The following WWOX variants were observed in gnomAD, a reference collection of about 807,000 sequenced individuals.
WWOX encodes the protein WW domain-containing oxidoreductase.
In WWOX, 69 loss-of-function variants were observed where a neutral mutation model predicts 46.2. The ratio of observed to expected loss-of-function variants is 1.49; its 90% CI spans 1.23 to 1.82. The LOEUF is 1.82. Ranked by LOEUF, WWOX falls within the 40% of genes most tolerant of loss-of-function variation. The pLI is 0.00. For missense variants in WWOX, 919 were observed against 542.6 expected (o/e 1.69, Z -6.89); for synonymous variants, 359 against 202.6 (o/e 1.77, Z -6.56).
intron 8 of WWOX, among the ~76,000 whole-genome samples, chr16:78,655,757 G>T (rs1041560596): frequency 5.9e-5 from 9 of 152,118 alleles, no homozygotes; most frequent in African/African-American, 2.2e-4. Context: ...ATGTTCTTCT[G>T]TGAACAATTA....
chr16:78,981,093 T>C (rs2046672510), intron 8 of WWOX, among the ~76,000 whole-genome samples: 2 of 152,298 alleles, frequency 1.3e-5, no homozygotes, highest in South Asian at 4.1e-4. Flanking sequence ...TTCGAGTTCT[T>C]CCTGTGGAGT....
intron 8 of WWOX, among the ~76,000 whole-genome samples, chr16:78,554,405 G>A (rs1203563999): frequency 6.6e-6 from 1 of 152,080 alleles, no homozygotes; most frequent in African/African-American, 2.4e-5. Flanking sequence ...TGCAACCTGA[G>A]GCATAAATGG....
At chr16:78,366,294 T>G (rs888139126) in intron 5 of WWOX, among the ~76,000 whole-genome samples, 4 of 152,220 alleles carry the variant, frequency 2.6e-5, no homozygotes, top group African/African-American at 7.2e-5. Context: ...AGAAGACACA[T>G]TTTACAAGGC....
chr16:78,946,779 G>A (rs1026478421), intron 8 of WWOX, among the ~76,000 whole-genome samples: 4 of 141,020 alleles, frequency 2.8e-5, no homozygotes, highest in Non-Finnish European at 5.0e-5. Flanking sequence ...GTGAGCCCCC[G>A]GGGGAGCTCA....
At chr16:79,027,369 C>A (rs1253973620) in intron 8 of WWOX, among the ~76,000 whole-genome samples, 1 of 150,776 alleles carries the variant, frequency 6.6e-6, no homozygotes, top group Non-Finnish European at 1.5e-5. Context: ...AATGAAAATT[C>A]TTCATTGTTA....
chr16:78,998,051 T>A (rs1288147163), intron 8 of WWOX, among the ~76,000 whole-genome samples: 1 of 152,016 alleles, frequency 6.6e-6, no homozygotes, highest in African/African-American at 2.4e-5. Context: ...TAATTTTGTG[T>A]TTTTAGTAAA....
Position 78,231,546 on chromosome 16 carries a change from C to T in WWOX, c.516+67257C>T, listed in dbSNP as rs549905491. ...CCTTAGTTAATCTGTTCAATAAACT[C>T]CTCTGCAGAATCCAAATGCTTAAAT... On this transcript the variant is annotated intron_variant, in intron 5 of 8. Coordinates refer to ENST00000566780, the MANE Select transcript of WWOX (RefSeq NM_016373.4). Among the ~76,000 whole-genome samples, 32 of 152,306 alleles carry T rather than the reference C, an allele frequency of 2.1e-4. No individual in the cohort carries two copies. In the South Asian group the frequency reaches 4.4e-3, roughly 21 times the overall value.
intron 8 of WWOX, among the ~76,000 whole-genome samples, chr16:78,884,362 G>C (rs555251358): frequency 2.7e-5 from 4 of 148,252 alleles, no homozygotes; most frequent in Non-Finnish European, 5.9e-5. Flanking sequence ...ACAAGTACAA[G>C]AGTGTGTTTA....
At chr16:78,766,629 G>C (rs2049930349) in intron 8 of WWOX, among the ~76,000 whole-genome samples, 1 of 152,190 alleles carries the variant, frequency 6.6e-6, no homozygotes, top group African/African-American at 2.4e-5. Flanking sequence ...GGCCTTGTGA[G>C]TTAGCTCTCT....
At chr16:78,775,224 A>G (rs1173404021) in intron 8 of WWOX, among the ~76,000 whole-genome samples, 1 of 152,198 alleles carries the variant, frequency 6.6e-6, no homozygotes, top group East Asian at 1.9e-4. Context: ...GATTATCAGG[A>G]CTGTATTCAG....
chr16:78,836,462 T>C (rs375568839), intron 8 of WWOX, among the ~76,000 whole-genome samples: 34 of 152,276 alleles, frequency 2.2e-4, no homozygotes, highest in African/African-American at 6.5e-4. Flanking sequence ...ACCTGAAGGG[T>C]GGCATCCACT....
chr16:78,516,664 G>C (rs564473134), intron 8 of WWOX, among the ~76,000 whole-genome samples: 10 of 152,166 alleles, frequency 6.6e-5, no homozygotes, highest in African/African-American at 2.2e-4. Context: ...CCCTTCACAC[G>C]TGCCTGCAGG....
At chr16:78,540,013 C>T (rs932839084) in intron 8 of WWOX, among the ~76,000 whole-genome samples, 2 of 126,554 alleles carry the variant, frequency 1.6e-5, no homozygotes, top group African/African-American at 5.7e-5. Context: ...CTCTCTCTCT[C>T]TCTCTCTCAC....
At chr16:78,788,380 C>T (rs1285665180) in intron 8 of WWOX, among the ~76,000 whole-genome samples, 2 of 152,166 alleles carry the variant, frequency 1.3e-5, no homozygotes, top group African/African-American at 4.8e-5. Context: ...CTTTCACCTG[C>T]CCCAAGGCAG....
chr16:78,422,750 C>CATAT (rs577129479), intron 6 of WWOX, among the ~76,000 whole-genome samples: 2 of 94,552 alleles, frequency 2.1e-5, no homozygotes, highest in African/African-American at 1.8e-4. Flanking sequence ...TATATATACA[C>CATAT]ATATATACAC....
At chr16:78,768,115 A>T (rs1030377651) in intron 8 of WWOX, among the ~76,000 whole-genome samples, 10 of 150,590 alleles carry the variant, frequency 6.6e-5, no homozygotes, top group African/African-American at 2.4e-4. Context: ...GGGTAATTGT[A>T]ATTCTTGGCT....
chr16:78,782,097 A>C (rs145584670), intron 8 of WWOX, among the ~76,000 whole-genome samples: 90 of 152,250 alleles, frequency 5.9e-4, no homozygotes, highest in Non-Finnish European at 1.1e-3. Flanking sequence ...TGAAGCTGTT[A>C]CATTTGGCAG....
chr16:78,395,484 C>T (rs552627263), intron 6 of WWOX, among the ~76,000 whole-genome samples: 109 of 152,110 alleles, frequency 7.2e-4, no homozygotes, highest in Non-Finnish European at 1.4e-3. Flanking sequence ...TGCACTCCAG[C>T]CTGGGCAACA....
chr16:78,770,798 C>T (rs1356963150), intron 8 of WWOX, among the ~76,000 whole-genome samples: 1 of 51,112 alleles, frequency 2.0e-5, no homozygotes, highest in East Asian at 2.3e-4. Context: ...AAAGGGGAAA[C>T]TCTTCTTTCC....
Sources: allele counts gnomAD v4.1 joint callset (sites outside exome capture counted in the v4.1 genomes callset), GRCh38; gene constraint gnomAD v4.1.1; transcripts MANE v1.5; gene names NCBI Gene and HGNC (gene_info 2026-07-23, HGNC 2026-07-21).